The following GMDS variants were observed in gnomAD, a reference collection of about 807,000 sequenced individuals.
GMDS encodes the protein GDP-mannose 4,6-dehydratase, also known as GDP-mannose 4,6 dehydratase.
In GMDS, 20 loss-of-function variants were observed where a neutral mutation model predicts 49.9. That is an observed-to-expected ratio of 0.40 (90% CI 0.28 to 0.58). GMDS has a LOEUF of 0.58. Among genes scored for constraint, GMDS ranks in the 20% least tolerant of loss-of-function variants. The pLI is 0.42. For synonymous variants in GMDS, 177 were observed against 178.6 expected (o/e 0.99, Z 0.07); for missense variants, 362 against 481.4 (o/e 0.75, Z 2.32).
chr6:2,017,221 C>T (rs1226566061), intron 4 of GMDS, among the ~76,000 whole-genome samples: 3 of 152,036 alleles, frequency 2.0e-5, no homozygotes, highest in Non-Finnish European at 4.4e-5. Context: ...ACAAAATTTT[C>T]ATGCCAGGAA....
In GMDS at chr6:1,654,572, A is replaced by G. The variant is rs897623057; in HGVS notation, c.988-30032T>C. Reference sequence around the variant, plus strand: ...GTTCCTAGAGTAGTCAAATTCATAAAGATGGAAAAAATGGTGGTTGCCAGA... The same window carrying G: ...GTTCCTAGAGTAGTCAAATTCATAAGGATGGAAAAAATGGTGGTTGCCAGA... On this transcript the variant is annotated intron_variant, in intron 9 of 10. Transcript: ENST00000380815. Among the ~76,000 whole-genome samples, 4 of 152,234 alleles carry G rather than the reference A, an allele frequency of 2.6e-5. No individual in the cohort carries two copies. The East Asian group carries it at 5.8e-4, about 22-fold the overall frequency.
intron 4 of GMDS, among the ~76,000 whole-genome samples, chr6:2,087,800 A>G (rs1476569573): frequency 6.6e-6 from 1 of 152,194 alleles, no homozygotes; most frequent in Non-Finnish European, 1.5e-5. Flanking sequence ...TATCAACATC[A>G]AAGAAGTTTT....
chr6:1,878,145 C>T (rs1300844010), intron 7 of GMDS, among the ~76,000 whole-genome samples: 1 of 151,912 alleles, frequency 6.6e-6, no homozygotes, highest in Non-Finnish European at 1.5e-5. Flanking sequence ...AACCCCGTCT[C>T]TACTAAAAAT....
intron 8 of GMDS, 91 bp from the exon 9 acceptor site, chr6:1,726,603 C>T (rs1337853740): frequency 1.5e-5 from 13 of 879,548 alleles, no homozygotes; most frequent in East Asian, 2.4e-5. Context: ...GCCCTCTCCC[C>T]GCAGGAGCGC....
intron 4 of GMDS, among the ~76,000 whole-genome samples, chr6:2,094,905 G>A (rs1183403942): frequency 6.6e-6 from 1 of 152,162 alleles, no homozygotes; most frequent in African/African-American, 2.4e-5. Context: ...ATTTCTTGAT[G>A]TGTTAAACCA....
chr6:1,966,922 A>G, intron 4 of GMDS, among the ~76,000 whole-genome samples: 1 of 152,038 alleles, frequency 6.6e-6, no homozygotes, highest in Non-Finnish European at 1.5e-5. Flanking sequence ...TTTCATGGGA[A>G]CCACTGCAGG....
At chr6:1,715,967 G>A (rs1358201469) in intron 9 of GMDS, among the ~76,000 whole-genome samples, 5 of 152,150 alleles carry the variant, frequency 3.3e-5, no homozygotes, top group African/African-American at 7.2e-5. Context: ...TTTAGATGAC[G>A]ATGTTAGGCA....
chr6:1,681,849 C>G (rs1764803500), intron 9 of GMDS, among the ~76,000 whole-genome samples: 1 of 152,242 alleles, frequency 6.6e-6, no homozygotes, highest in Non-Finnish European at 1.5e-5. Flanking sequence ...GCACGCACCA[C>G]AGTGTGCGGC....
At chr6:2,128,871 G>C (rs974360211) in intron 1 of GMDS, among the ~76,000 whole-genome samples, 1 of 152,170 alleles carries the variant, frequency 6.6e-6, no homozygotes, top group Non-Finnish European at 1.5e-5. Flanking sequence ...AGATTTTCCC[G>C]GTCTGGGTTT....
At chr6:2,180,079 A>T (rs1778452028) in intron 1 of GMDS, among the ~76,000 whole-genome samples, 1 of 152,198 alleles carries the variant, frequency 6.6e-6, no homozygotes, top group Non-Finnish European at 1.5e-5. Context: ...GTCTAAATGA[A>T]ACCAAATGGG....
chr6:2,207,819 G>A (rs1429271689), intron 1 of GMDS, among the ~76,000 whole-genome samples: 1 of 151,856 alleles, frequency 6.6e-6, no homozygotes, highest in Non-Finnish European at 1.5e-5. Context: ...AGGTTAACAT[G>A]GCCACAGGCA....
intron 4 of GMDS, among the ~76,000 whole-genome samples, chr6:2,094,478 A>G (rs1773483693): frequency 1.3e-5 from 2 of 152,256 alleles, no homozygotes; most frequent in African/African-American, 4.8e-5. Flanking sequence ...TAAAGCAAAT[A>G]CAATTCTAGA....
chr6:1,904,892 C>T (rs567547096), intron 7 of GMDS, among the ~76,000 whole-genome samples: 3 of 152,182 alleles, frequency 2.0e-5, no homozygotes, highest in Admixed American at 2.0e-4. Flanking sequence ...CAAAGGGCAA[C>T]GTCAACAATT....
chr6:2,120,764 T>C (rs1349566074), intron 2 of GMDS, among the ~76,000 whole-genome samples: 1 of 152,196 alleles, frequency 6.6e-6, no homozygotes, highest in Non-Finnish European at 1.5e-5. Context: ...TTCATTTCTG[T>C]CAATCCTCCG....
chr6:1,885,413 G>C (rs1319990891), intron 7 of GMDS, among the ~76,000 whole-genome samples: 1 of 152,170 alleles, frequency 6.6e-6, no homozygotes, highest in Non-Finnish European at 1.5e-5. Context: ...CAGTGAAGAA[G>C]TGAAATGTTT....
intron 7 of GMDS, among the ~76,000 whole-genome samples, chr6:1,786,073 G>A (rs778619458): frequency 3.3e-5 from 5 of 152,250 alleles, no homozygotes; most frequent in East Asian, 1.9e-4. Flanking sequence ...CTGCTTCAGC[G>A]TGATATTCCA....
chr6:1,716,137 G>T (rs142511085), intron 9 of GMDS, among the ~76,000 whole-genome samples: 6 of 152,166 alleles, frequency 3.9e-5, no homozygotes, highest in Non-Finnish European at 7.4e-5. Flanking sequence ...TTATGAAGTC[G>T]AAGAATATGT....
intron 7 of GMDS, among the ~76,000 whole-genome samples, chr6:1,824,087 C>T (rs1221583923): frequency 6.6e-6 from 1 of 152,118 alleles, no homozygotes; most frequent in Non-Finnish European, 1.5e-5. Context: ...TCTCCTTTCT[C>T]CCTCATCCAG....
chr6:2,170,464 GA>G (rs1251720939), intron 1 of GMDS, among the ~76,000 whole-genome samples: 1 of 151,518 alleles, frequency 6.6e-6, no homozygotes. Flanking sequence ...TACCTCTACA[GA>G]AAAAAATAAA....
Sources: allele counts gnomAD v4.1 joint callset (sites outside exome capture counted in the v4.1 genomes callset), GRCh38; gene constraint gnomAD v4.1.1; transcripts MANE v1.5; gene names NCBI Gene and HGNC (gene_info 2026-07-23, HGNC 2026-07-21).